The following NEDD9 variants were observed in gnomAD, a reference collection of about 807,000 sequenced individuals.
The protein encoded by NEDD9 is enhancer of filamentation 1.
In NEDD9, 26 loss-of-function variants were observed where a neutral mutation model predicts 76.6. The observed-to-expected ratio is 0.34, with a 90% confidence interval of 0.25 to 0.47. The LOEUF (loss-of-function observed/expected upper bound fraction) is 0.47. Among genes scored for constraint, NEDD9 ranks in the 20% least tolerant of loss-of-function variants. The pLI is 1.00. For synonymous variants in NEDD9, 392 were observed against 414.2 expected (o/e 0.95, Z 0.65); for missense variants, 937 against 1,058.5 (o/e 0.89, Z 1.59).
intron 2 of NEDD9, among the ~76,000 whole-genome samples, chr6:11,332,955 T>C (rs777764074): frequency 6.6e-6 from 1 of 151,558 alleles, no homozygotes; most frequent in Non-Finnish European, 1.5e-5. Flanking sequence ...CATAGATATA[T>C]GAGGAGTCCC....
At chr6:11,319,353 ACT>A in intron 2 of NEDD9, among the ~76,000 whole-genome samples, 1 of 151,980 alleles carries the variant, frequency 6.6e-6, no homozygotes, top group Non-Finnish European at 1.5e-5. Flanking sequence ...TCACATGCAC[ACT>A]CACATGCACA....
chr6:11,253,338 C>T (rs929999418), intron 3 of NEDD9, among the ~76,000 whole-genome samples: 2 of 152,048 alleles, frequency 1.3e-5, no homozygotes, highest in East Asian at 1.9e-4. Flanking sequence ...ATTGAGGTTG[C>T]GGGGAGTAAG....
At chr6:11,201,669 C>T (rs3778169) in intron 2 of NEDD9, among the ~76,000 whole-genome samples, 41,284 of 151,974 alleles carry the variant, frequency 0.27, 6,701 homozygotes, top group African/African-American at 0.45. Context: ...CTATCTATGT[C>T]TATCTTTGTA....
chr6:11,269,204 G>A (rs1489416749), intron 3 of NEDD9, among the ~76,000 whole-genome samples: 1 of 152,206 alleles, frequency 6.6e-6, no homozygotes, highest in East Asian at 1.9e-4. Context: ...CTGGTTAGGT[G>A]ACAGGTCATT....
At chr6:11,267,127 T>C (rs562426675) in intron 3 of NEDD9, among the ~76,000 whole-genome samples, 1 of 152,346 alleles carries the variant, frequency 6.6e-6, no homozygotes, top group South Asian at 2.1e-4. Flanking sequence ...AATCTCAGCA[T>C]TTCTGGCTGC....
chr6:11,304,712 A>T (rs552747408), intron 3 of NEDD9, among the ~76,000 whole-genome samples: 2 of 152,358 alleles, frequency 1.3e-5, no homozygotes, highest in African/African-American at 4.8e-5. Context: ...AAGGACAGAA[A>T]ACCAAACATT....
At chr6:11,201,946 A>C (rs1328122032) in intron 2 of NEDD9, among the ~76,000 whole-genome samples, 1 of 152,204 alleles carries the variant, frequency 6.6e-6, no homozygotes, top group East Asian at 1.9e-4. Context: ...TTACCCATGA[A>C]TTTAGTAGAG....
chr6:11,291,824 G>C (rs752866279), intron 3 of NEDD9, among the ~76,000 whole-genome samples: 15 of 152,136 alleles, frequency 9.9e-5, no homozygotes, highest in Non-Finnish European at 1.5e-4. Flanking sequence ...GTCATGGAAG[G>C]CTCTCTCACT....
At position 11,373,695 on chromosome 6, in the gene NEDD9, G is replaced by A. The variant is rs187275925; in HGVS notation, c.-214+8444C>T. On this transcript the variant is annotated intron_variant, in intron 1 of 3. Transcript: ENST00000397378. The stretch of plus-strand genomic sequence containing the variant: ...TTTCTGAAATGGATACAGTATCTGA[G>A]ATGGTTAATTTTACGTGTTAACTTG... 2.6e-5 allele frequency among the ~76,000 whole-genome samples: 4 copies of A among 152,320 alleles called. No individual in the cohort carries two copies. The East Asian group carries it at 7.7e-4, about 29-fold the overall frequency.
At chr6:11,221,954 T>C (rs1465635647) in intron 1 of NEDD9, among the ~76,000 whole-genome samples, 2 of 152,072 alleles carry the variant, frequency 1.3e-5, no homozygotes, top group African/African-American at 4.8e-5. Context: ...TCTAGACAAA[T>C]CCCTCTAACA....
intron 2 of NEDD9, among the ~76,000 whole-genome samples, chr6:11,194,862 C>A (rs1758250623): frequency 6.6e-6 from 1 of 152,194 alleles, no homozygotes; most frequent in African/African-American, 2.4e-5. Context: ...GAACTTAACT[C>A]ATTTTGAAAT....
intron 2 of NEDD9, among the ~76,000 whole-genome samples, chr6:11,197,648 CA>C (rs1346992291): frequency 2.0e-5 from 3 of 152,112 alleles, no homozygotes; most frequent in Non-Finnish European, 4.4e-5. Flanking sequence ...AGGATAGGAT[CA>C]AAAGCCCAAA....
intron 3 of NEDD9, chr6:11,305,843 T>C (rs1172814261): frequency 1.0e-6 from 1 of 955,096 alleles, no homozygotes; most frequent in Non-Finnish European, 1.6e-6. Flanking sequence ...AATCTGGCAG[T>C]CTAAACTTAA....
chr6:11,202,063 T>C (rs1758470331), intron 2 of NEDD9, among the ~76,000 whole-genome samples: 1 of 152,196 alleles, frequency 6.6e-6, no homozygotes, highest in Non-Finnish European at 1.5e-5. Context: ...GATGAGAAGT[T>C]AAAAAGTGTC....
intron 2 of NEDD9, among the ~76,000 whole-genome samples, chr6:11,312,776 G>A (rs897003904): frequency 1.3e-5 from 2 of 151,068 alleles, no homozygotes; most frequent in Non-Finnish European, 3.0e-5. Flanking sequence ...ACCCAGTGGG[G>A]TGGGGAAAGT....
Position 11,190,910 on chromosome 6 carries a change from G to T in NEDD9, c.959C>A (p.Pro320His). 6.2e-7 allele frequency: 1 copy of T among 1,614,082 alleles called. No individual in the cohort carries two copies. The highest frequency in any genetic ancestry group is 8.5e-7 in the Non-Finnish European group (1 of 1,180,032). Residue 320 changes from proline (P) to histidine (H), a missense_variant, in exon 5 of 7, where the codon CCC (proline) becomes CAC (histidine). Coordinates refer to ENST00000379446, the MANE Select transcript of NEDD9 (RefSeq NM_006403.4). This position sits in a 1 kb window ranked among gnomAD's most constrained non-coding sequence, Gnocchi z 5.8. ...VGSQNDAYDV[P>H]RGVQFLEPPA... ...TGGCTCAAGAAACTGAACGCCTCGG[G>T]GGACATCATATGCGTCGTTCTGAGA...
intron 3 of NEDD9, among the ~76,000 whole-genome samples, chr6:11,279,962 G>C (rs1760501764): frequency 6.6e-6 from 1 of 152,176 alleles, no homozygotes; most frequent in Admixed American, 6.5e-5. Context: ...GAAAGGTCTT[G>C]CAGCTACAGC....
intron 3 of NEDD9, among the ~76,000 whole-genome samples, chr6:11,268,592 A>G (rs12207594): frequency 0.37 from 55,798 of 151,520 alleles, 11,220 homozygotes; most frequent in African/African-American, 0.55. Context: ...GCCTGGCGTG[A>G]TGGCAGGCAC....
At chr6:11,186,829 G>A (rs1757992825) in intron 6 of NEDD9, among the ~76,000 whole-genome samples, 1 of 152,138 alleles carries the variant, frequency 6.6e-6, no homozygotes, top group Non-Finnish European at 1.5e-5. Flanking sequence ...TGTTAGCCAG[G>A]ATGGTCTCGA....
Sources: gnomAD v4.1 joint callset for allele counts (sites outside exome capture counted in the v4.1 genomes callset) on GRCh38, gnomAD v4.1.1 for gene constraint, Gnocchi (gnomAD v3.1) non-coding constraint, MANE v1.5 for transcripts, NCBI Gene and HGNC (gene_info 2026-07-23, HGNC 2026-07-21) for gene names.